The following PDE4D variants were observed in gnomAD, a reference collection of about 807,000 sequenced individuals.
PDE4D encodes the protein phosphodiesterase 4D.
In PDE4D, 24 loss-of-function variants were observed where a neutral mutation model predicts 87.4. The ratio of observed to expected loss-of-function variants is 0.27; its 90% CI spans 0.20 to 0.39. The LOEUF is 0.39. PDE4D is among the 10% of genes least tolerant of loss of function. The probability of loss-of-function intolerance (pLI) is 1.00; values close to 1 mark genes in which losing one functional copy is unlikely to be tolerated. For synonymous variants in PDE4D, 384 were observed against 383.2 expected, an observed-to-expected ratio of 1.00 and a Z score of -0.02; for missense variants, 714 against 1,041.0, an observed-to-expected ratio of 0.69 and a Z score of 4.32.
chr5:59,544,683 C>T (rs1413420790), intron 1 of PDE4D, among the ~76,000 whole-genome samples: 1 of 152,164 alleles, frequency 6.6e-6, no homozygotes, highest in Non-Finnish European at 1.5e-5. Flanking sequence ...GCTGGAAGCT[C>T]TCTCCACAGT....
chr5:59,189,254 T>G (rs950805635), intron 3 of PDE4D, among the ~76,000 whole-genome samples: 18 of 57,772 alleles, frequency 3.1e-4, no homozygotes, highest in African/African-American at 1.3e-3. Flanking sequence ...GTTTTTTTTG[T>G]TTTTTTTTTT....
chr5:59,497,458 A>G (rs1351650767), intron 1 of PDE4D, among the ~76,000 whole-genome samples: 1 of 152,068 alleles, frequency 6.6e-6, no homozygotes, highest in Non-Finnish European at 1.5e-5. Context: ...ATGATCCAAG[A>G]TTTGAAAGAC....
At chr5:59,355,869 C>T (rs919488374) in intron 1 of PDE4D, among the ~76,000 whole-genome samples, 3 of 152,080 alleles carry the variant, frequency 2.0e-5, no homozygotes, top group East Asian at 1.9e-4. Flanking sequence ...CAAATCAGAA[C>T]ACATTTTAAT....
Position 59,735,073 on chromosome 5 carries a change from A to G in PDE4D, c.455+158095T>C, listed in dbSNP as rs577484278. 2.1e-3 allele frequency among the ~76,000 whole-genome samples: 313 copies of G among 152,250 alleles called. 1 individual carries two copies. The highest frequency in any genetic ancestry group is 7.1e-3 in the African/African-American group (295 of 41,566). On this transcript the variant is annotated intron_variant, in intron 1 of 14. Coordinates refer to ENST00000340635, the MANE Select transcript of PDE4D (RefSeq NM_001104631.2). ...CAGATTTATCTATTGCCCATAGGAT[A>G]TTTGTTTTAAAGTGATACACTTCAG...
At chr5:59,235,881 A>C (rs557729029) in intron 1 of PDE4D, among the ~76,000 whole-genome samples, 2 of 152,330 alleles carry the variant, frequency 1.3e-5, no homozygotes, top group South Asian at 2.1e-4. Context: ...ACTTAGAGGG[A>C]GATACAGAAA....
chr5:59,401,474 A>ATCTGTCTG (rs201224024), intron 1 of PDE4D, among the ~76,000 whole-genome samples: 1,774 of 65,976 alleles, frequency 0.027, 24 homozygotes, highest in African/African-American at 0.079. Context: ...CTATCTATCT[A>ATCTGTCTG]TCTATCTATC....
chr5:59,447,803 T>G (rs539961361), intron 1 of PDE4D, among the ~76,000 whole-genome samples: 45 of 152,364 alleles, frequency 3.0e-4, no homozygotes, highest in Non-Finnish European at 5.6e-4. Flanking sequence ...GCAACCCACT[T>G]TGGCCAATGG....
intron 1 of PDE4D, among the ~76,000 whole-genome samples, chr5:59,252,356 G>A (rs563819164): frequency 2.6e-5 from 4 of 152,216 alleles, no homozygotes; most frequent in East Asian, 3.9e-4. Context: ...TTTGGTGTCC[G>A]GAAGTCTAGG....
intron 1 of PDE4D, among the ~76,000 whole-genome samples, chr5:59,410,312 C>T (rs371873992): frequency 3.7e-4 from 57 of 152,212 alleles, no homozygotes; most frequent in African/African-American, 1.3e-3. Flanking sequence ...AGTGCAGTGG[C>T]ACGATCTCAT....
At chr5:59,299,455 T>G (rs256120) in intron 1 of PDE4D, among the ~76,000 whole-genome samples, 2 of 152,330 alleles carry the variant, frequency 1.3e-5, no homozygotes, top group East Asian at 3.9e-4. Context: ...CCTTTACTTA[T>G]GTTTCTTGAA....
At chr5:59,942,008 G>A (rs1312899878) in intron 3 of PDE4D, among the ~76,000 whole-genome samples, 1 of 152,184 alleles carries the variant, frequency 6.6e-6, no homozygotes, top group Non-Finnish European at 1.5e-5. Flanking sequence ...CCTTCCAGCT[G>A]GAGGGGAGAG....
intron 1 of PDE4D, among the ~76,000 whole-genome samples, chr5:60,442,262 A>G (rs1314076061): frequency 6.6e-6 from 1 of 152,214 alleles, no homozygotes. Flanking sequence ...ATGCGGTCAT[A>G]AAAAAGGATG....
chr5:60,038,437 A>T (rs1418744148), intron 2 of PDE4D, among the ~76,000 whole-genome samples: 1 of 151,976 alleles, frequency 6.6e-6, no homozygotes, highest in Non-Finnish European at 1.5e-5. Context: ...ATAGTTGTAG[A>T]TATGCGGCGT....
chr5:59,502,296 TAAAGC>T (rs1365779181), intron 1 of PDE4D, among the ~76,000 whole-genome samples: 1 of 152,168 alleles, frequency 6.6e-6, no homozygotes, highest in Non-Finnish European at 1.5e-5. Context: ...CTGAGATGAT[TAAAGC>T]AAAGAGAAAG....
chr5:59,448,162 G>C (rs1798614495), intron 1 of PDE4D, among the ~76,000 whole-genome samples: 2 of 152,132 alleles, frequency 1.3e-5, no homozygotes, highest in South Asian at 4.1e-4. Flanking sequence ...AGCTGGTAAA[G>C]GCTAAAGTAT....
In PDE4D at chr5:59,373,515, C is replaced by A. The variant is rs531420689; in HGVS notation, c.456-157547G>T. 9.5e-4 allele frequency among the ~76,000 whole-genome samples: 144 copies of A among 152,002 alleles called. 1 individual carries two copies. The highest frequency in any genetic ancestry group is 3.1e-3 in the African/African-American group (127 of 41,476). On this transcript the variant is annotated intron_variant, in intron 1 of 14. Coordinates refer to ENST00000340635, the MANE Select transcript of PDE4D (RefSeq NM_001104631.2). ...CAGAATGAAAAGGAATGAACAAAACCGAGAAATATGAGATTATGTAAAGAG... is the reference window on the plus strand; with the variant it reads ...CAGAATGAAAAGGAATGAACAAAACAGAGAAATATGAGATTATGTAAAGAG...
chr5:60,172,292 A>ACACT (rs1783531945), intron 2 of PDE4D, among the ~76,000 whole-genome samples: 2 of 151,400 alleles, frequency 1.3e-5, no homozygotes, highest in Admixed American at 1.3e-4. Context: ...ACACACACAC[A>ACACT]CACACACAAA....
intron 1 of PDE4D, among the ~76,000 whole-genome samples, chr5:59,889,603 A>T (rs927681403): frequency 6.6e-6 from 1 of 152,212 alleles, no homozygotes; most frequent in Non-Finnish European, 1.5e-5. Context: ...TCAAGGAATC[A>T]TCCATGCTGC....
intron 1 of PDE4D, among the ~76,000 whole-genome samples, chr5:59,255,950 A>G (rs1211286277): frequency 5.9e-5 from 9 of 152,156 alleles, no homozygotes; most frequent in Non-Finnish European, 1.3e-4. Context: ...TCAATCAGCC[A>G]TATACCGATT....
Sources: gnomAD v4.1 joint callset for allele counts (sites outside exome capture counted in the v4.1 genomes callset) on GRCh38, gnomAD v4.1.1 for gene constraint, MANE v1.5 for transcripts, NCBI Gene and HGNC (gene_info 2026-07-23, HGNC 2026-07-21) for gene names.